GABRG3: variants seen among roughly 807,000 people sequenced by gnomAD.
The protein encoded by GABRG3 is gamma-aminobutyric acid type A receptor subunit gamma3.
In GABRG3, 25 loss-of-function variants were observed where a neutral mutation model predicts 48.8. That is an observed-to-expected ratio of 0.51 (90% CI 0.37 to 0.72). GABRG3 has a LOEUF of 0.72. Among genes scored for constraint, GABRG3 ranks in the 30% least tolerant of loss-of-function variants. The pLI is 0.00. For synonymous variants in GABRG3, 227 were observed against 217.6 expected (o/e 1.04, Z -0.38); for missense variants, 394 against 577.9 (o/e 0.68, Z 3.26).
In GABRG3 at chr15:27,423,405, A is replaced by C. The variant is rs547427061; in HGVS notation, c.575-57245A>C. Among the ~76,000 whole-genome samples, 19 of 152,256 alleles carry C rather than the reference A, an allele frequency of 1.2e-4. No individual in the cohort carries two copies. In the East Asian group the frequency reaches 2.1e-3, roughly 17 times the overall value. On this transcript the variant is annotated intron_variant, in intron 5 of 9. Transcript: ENST00000615808. ...GCTTGTGTTATCAATGATGCTTTAAACATCAGTTCACAGTGAGTTCCTATA... is the reference window on the plus strand; with the variant it reads ...GCTTGTGTTATCAATGATGCTTTAACCATCAGTTCACAGTGAGTTCCTATA...
At chr15:27,454,415 A>C (rs1032818711) in intron 5 of GABRG3, among the ~76,000 whole-genome samples, 23 of 152,134 alleles carry the variant, frequency 1.5e-4, no homozygotes, top group Admixed American at 2.6e-4. Context: ...AAAGTTGAGT[A>C]ATGGATTTTT....
intron 5 of GABRG3, among the ~76,000 whole-genome samples, chr15:27,388,290 A>AG (rs1566818342): frequency 2.3e-5 from 1 of 42,558 alleles, no homozygotes; most frequent in Non-Finnish European, 4.4e-5. Flanking sequence ...GAAGGAAGGA[A>AG]GAAAAGAAGG....
intron 3 of GABRG3, among the ~76,000 whole-genome samples, chr15:27,044,116 C>T (rs1218473416): frequency 2.6e-5 from 4 of 152,164 alleles, no homozygotes; most frequent in African/African-American, 7.2e-5. Flanking sequence ...AATCTAACCT[C>T]GGAAGTGATG....
intron 5 of GABRG3, chr15:27,366,348 C>T (rs1348939209): frequency 6.6e-6 from 1 of 152,160 alleles, no homozygotes; most frequent in Non-Finnish European, 1.5e-5. Flanking sequence ...GGGATAAAGA[C>T]ATATTCCCTA....
chr15:27,128,616 G>T (rs1218537213), intron 3 of GABRG3, among the ~76,000 whole-genome samples: 1 of 152,192 alleles, frequency 6.6e-6, no homozygotes, highest in Non-Finnish European at 1.5e-5. Flanking sequence ...GATGAAATAA[G>T]TGCAACACTG....
chr15:27,311,523 G>A (rs2140507195), intron 3 of GABRG3, among the ~76,000 whole-genome samples: 1 of 152,144 alleles, frequency 6.6e-6, no homozygotes, highest in African/African-American at 2.4e-5. Flanking sequence ...TATGCAGCTA[G>A]TCGCCACAGC....
intron 3 of GABRG3, among the ~76,000 whole-genome samples, chr15:27,041,627 G>A (rs1339533720): frequency 2.0e-5 from 3 of 151,908 alleles, no homozygotes; most frequent in African/African-American, 2.4e-5. Context: ...TCCCTTTTTG[G>A]TTTCCATATT....
chr15:27,138,103 A>T (rs1898041131), intron 3 of GABRG3, among the ~76,000 whole-genome samples: 1 of 152,234 alleles, frequency 6.6e-6, no homozygotes, highest in Non-Finnish European at 1.5e-5. Context: ...TAATTTTCTT[A>T]ATCCTATTTC....
At chr15:27,374,144 T>C (rs1250245263) in intron 5 of GABRG3, among the ~76,000 whole-genome samples, 2 of 138,264 alleles carry the variant, frequency 1.4e-5, no homozygotes, top group African/African-American at 2.9e-5. Context: ...TCTTCTTTTT[T>C]TTTTTTTTTT....
At chr15:27,507,820 G>A (rs1890797922) in intron 6 of GABRG3, among the ~76,000 whole-genome samples, 1 of 151,990 alleles carries the variant, frequency 6.6e-6, no homozygotes, top group Admixed American at 6.6e-5. Flanking sequence ...GTCAGTTTTT[G>A]CATCATATAT....
intron 3 of GABRG3, among the ~76,000 whole-genome samples, chr15:27,047,699 C>T (rs1357319834): frequency 6.6e-6 from 1 of 152,132 alleles, no homozygotes; most frequent in East Asian, 1.9e-4. Context: ...ATGGTCAGGT[C>T]GATTTTAAAA....
chr15:27,459,032 C>T (rs1294624788), intron 5 of GABRG3, among the ~76,000 whole-genome samples: 1 of 152,210 alleles, frequency 6.6e-6, no homozygotes, highest in Non-Finnish European at 1.5e-5. Flanking sequence ...TCGATTCTTC[C>T]AACACCCATA....
At chr15:27,111,483 A>T (rs1897548112) in intron 3 of GABRG3, among the ~76,000 whole-genome samples, 1 of 152,176 alleles carries the variant, frequency 6.6e-6, no homozygotes, top group Non-Finnish European at 1.5e-5. Context: ...GGGTAATAGG[A>T]TCCAAGGTCA....
intron 5 of GABRG3, among the ~76,000 whole-genome samples, chr15:27,329,816 A>G (rs928549865): frequency 4.6e-5 from 7 of 152,250 alleles, no homozygotes; most frequent in Admixed American, 6.5e-5. Context: ...CTATTTATAC[A>G]ATTTTTAAGT....
intron 3 of GABRG3, among the ~76,000 whole-genome samples, chr15:27,150,268 C>CA (rs1427231126): frequency 6.6e-6 from 1 of 152,050 alleles, no homozygotes; most frequent in Non-Finnish European, 1.5e-5. Flanking sequence ...CCATTAAAGT[C>CA]AGTTTCCTCT....
At chr15:27,374,317 G>A (rs1229550313) in intron 5 of GABRG3, among the ~76,000 whole-genome samples, 1 of 151,498 alleles carries the variant, frequency 6.6e-6, no homozygotes, top group African/African-American at 2.4e-5. Flanking sequence ...ATTTTTTGTA[G>A]CAACTGTTTC....
At chr15:27,207,881 G>T (rs368719237) in intron 3 of GABRG3, among the ~76,000 whole-genome samples, 2 of 152,160 alleles carry the variant, frequency 1.3e-5, no homozygotes, top group African/African-American at 4.8e-5. Flanking sequence ...TCAGGGAAAA[G>T]ACATCATAAG....
chr15:27,098,160 G>A (rs1013224271), intron 3 of GABRG3, among the ~76,000 whole-genome samples: 10 of 152,130 alleles, frequency 6.6e-5, no homozygotes, highest in African/African-American at 2.4e-4. Flanking sequence ...TTGGCCAGGT[G>A]TGGTGGCTCA....
intron 5 of GABRG3, among the ~76,000 whole-genome samples, chr15:27,415,491 A>G (rs1887914441): frequency 6.6e-6 from 1 of 152,002 alleles, no homozygotes; most frequent in Non-Finnish European, 1.5e-5. Context: ...GTAGTTTTAC[A>G]TTCCTAAATA....
Sources: allele counts gnomAD v4.1 joint callset (sites outside exome capture counted in the v4.1 genomes callset), GRCh38; gene constraint gnomAD v4.1.1; transcripts MANE v1.5; gene names NCBI Gene and HGNC (gene_info 2026-07-23, HGNC 2026-07-21).